The following TEF variants were observed in gnomAD, a reference collection of about 807,000 sequenced individuals.
TEF encodes TEF transcription factor, PAR bZIP family member, also known as thyrotroph embryonic factor.
TEF carries 3 observed loss-of-function variants against 20.8 expected under a neutral mutation model. The ratio of observed to expected loss-of-function variants is 0.14; its 90% CI spans 0.07 to 0.37. The LOEUF is 0.37. Ranked by LOEUF, TEF falls within the 10% of genes least tolerant of loss-of-function variation. TEF has a pLI of 1.00. For missense variants in TEF, 296 were observed against 397.9 expected (o/e 0.74, Z 2.18); for synonymous variants, 180 against 171.1 (o/e 1.05, Z -0.41).
At chr22:41,369,295 C>T in intron 1 of TEF, 1 of 969,360 alleles carries the variant, frequency 1.0e-6, no homozygotes, top group Non-Finnish European at 1.2e-6. Context: ...CAGGGCCTGG[C>T]ACATAGGGGA....
intron 1 of TEF, 119 bp downstream of exon 1, chr22:41,382,320 T>C: frequency 2.5e-6 from 2 of 790,760 alleles, no homozygotes; most frequent in Non-Finnish European, 3.2e-6. Flanking sequence ...CGGAGGGGGA[T>C]GGGGCCTGGA....
intron 1 of TEF, among the ~76,000 whole-genome samples, chr22:41,372,272 C>T (rs1353434545): frequency 6.6e-6 from 1 of 152,088 alleles, no homozygotes; most frequent in East Asian, 1.9e-4. Flanking sequence ...TGCCCCCCAC[C>T]CCATCCCTTC....
intron 1 of TEF, among the ~76,000 whole-genome samples, chr22:41,370,773 G>A (rs771255627): frequency 6.3e-4 from 96 of 152,136 alleles, no homozygotes; most frequent in Non-Finnish European, 2.2e-4. Context: ...CCTCTCCCTC[G>A]TGCTGCCCCT....
upstream of TEF, among the ~76,000 whole-genome samples, chr22:41,381,473 G>A (rs1338248770): frequency 6.6e-6 from 1 of 152,178 alleles, no homozygotes; most frequent in Non-Finnish European, 1.5e-5. Context: ...CGCCGCGCGA[G>A]CAGGAGCTCG....
chr22:41,370,382 G>T (rs984448137), intron 1 of TEF, among the ~76,000 whole-genome samples: 5 of 150,182 alleles, frequency 3.3e-5, no homozygotes, highest in African/African-American at 1.2e-4. Context: ...CGAAGTGCTG[G>T]GATTACAGGT....
rs2037238483 is a variant in TEF, at chr22:41,397,061, G to C, written c.*1101G>C. The C allele has an allele frequency of 5.0e-6, 2 of 398,744 alleles. No homozygotes were observed. The highest frequency in any genetic ancestry group is 4.1e-5 in the African/African-American group (2 of 48,618). 24.7% of individuals were successfully genotyped at this position (398,744 alleles called of 1,614,324 possible). ...GGGCAGCTGGGGCCTCGCAATTCTT[G>C]CTTCAGGATCTCTCCCATGCGAGCT... On this transcript the variant is annotated 3_prime_UTR_variant, in exon 4 of 4. Coordinates refer to ENST00000266304, the MANE Select transcript of TEF (RefSeq NM_003216.4).
At position 41,382,084 on chromosome 22, in the gene TEF, C is replaced by A. The variant is rs745925857; in HGVS notation, c.40C>A (p.Pro14Thr). Residue 14 changes from proline (P) to threonine (T), a missense_variant, in exon 1 of 4, where the codon CCG (proline) becomes ACG (threonine). By Grantham distance (38) the Pro-to-Thr change is conservative. Coordinates refer to ENST00000266304, the MANE Select transcript of TEF (RefSeq NM_003216.4). ...CGGCGGAAAGAAGCCGCCTGTGGAC[C>A]CGCAGGCAGGACCCGGTCCGGGGCC... ...AGGGKKPPVD[P>T]QAGPGPGPGR... 3 of 1,231,714 alleles carry A rather than the reference C, an allele frequency of 2.4e-6. No homozygotes were observed. The highest frequency in any genetic ancestry group is 3.0e-6 in the Non-Finnish European group (3 of 987,710). The allele number at this position is 1,231,714 out of a possible 1,614,324, so 76.3% of individuals were successfully genotyped here.
rs747543160 is a variant in TEF, at chr22:41,382,121, C to G, written c.77C>G (p.Ala26Gly). The G allele has an allele frequency of 8.1e-7, 1 of 1,234,598 alleles. No individual in the cohort carries two copies. The highest frequency in any genetic ancestry group is 1.6e-5 in the African/African-American group (1 of 64,498). 76.5% of individuals were successfully genotyped at this position (1,234,598 alleles called of 1,614,324 possible). A position where few individuals can be genotyped will look rare whatever the true frequency, so the allele number is the denominator to read the frequency against. The change falls in exon 1 of 4, where the codon GCT becomes GGT. Residue 26 changes from alanine to glycine, a missense_variant. This residue lies in a region of TEF where 102 missense variants were observed against 80.1 expected (regional missense o/e 1.27). Transcript: ENST00000266304. Reference sequence around the variant, plus strand: ...CCCGGTCCGGGGCCGGGGCGCGCAGCTGGGGAAAGGGGCCTGTCGGGGTCC... The same window carrying G: ...CCCGGTCCGGGGCCGGGGCGCGCAGGTGGGGAAAGGGGCCTGTCGGGGTCC... ...AGPGPGPGRA[A>G]GERGLSGSFP...
chr22:41,369,338 C>T, intron 1 of TEF: 2 of 818,972 alleles, frequency 2.4e-6, no homozygotes, highest in South Asian at 5.5e-5. Context: ...CTTTGCCGAG[C>T]ACTGGCAAGC....
intron 1 of TEF, chr22:41,367,688 T>C (rs960903623): frequency 5.9e-6 from 8 of 1,347,440 alleles, no homozygotes; most frequent in African/African-American, 1.5e-5. Flanking sequence ...AGGACAGGCA[T>C]CTCCAAGCCA....
At chr22:41,370,447 C>G (rs537128648) in intron 1 of TEF, among the ~76,000 whole-genome samples, 1 of 125,418 alleles carries the variant, frequency 8.0e-6, no homozygotes, top group East Asian at 2.4e-4. Context: ...GTGTCTCACT[C>G]TGTTGCCCAG....
At position 41,398,549 on chromosome 22, in the gene TEF, T is replaced by C. The variant is rs373958647; in HGVS notation, c.*2589T>C. On this transcript the variant is annotated 3_prime_UTR_variant, in exon 4 of 4. Transcript: ENST00000266304. ...AGCTGGAACTTTGCAAGAATATTCA[T>C]ATTATAAATGTCTCATCTGATGGAG... is the stretch of plus-strand genomic sequence containing the variant. The C allele has an allele frequency of 6.5e-6, 1 of 153,674 alleles. No individual in the cohort carries two copies. The highest frequency in any genetic ancestry group is 2.1e-4 in the South Asian group (1 of 4,826). 9.5% of individuals were successfully genotyped at this position (153,674 alleles called of 1,614,324 possible). A position where few individuals can be genotyped will look rare whatever the true frequency, so the allele number is the denominator to read the frequency against.
intron 1 of TEF, among the ~76,000 whole-genome samples, chr22:41,372,997 G>A (rs1475585836): frequency 1.3e-5 from 2 of 152,174 alleles, no homozygotes; most frequent in African/African-American, 4.8e-5. Flanking sequence ...TGAGGCTGGA[G>A]AGACCCGAAG....
At chr22:41,389,524 C>T (rs557253860) in intron 2 of TEF, among the ~76,000 whole-genome samples, 1 of 152,100 alleles carries the variant, frequency 6.6e-6, no homozygotes, top group Admixed American at 6.6e-5. Flanking sequence ...GAGGCTGAGG[C>T]AGGAAAATCG....
intron 2 of TEF, among the ~76,000 whole-genome samples, chr22:41,388,976 A>C (rs180717621): frequency 1.3e-5 from 2 of 152,292 alleles, no homozygotes; most frequent in Admixed American, 1.3e-4. Context: ...TTTCAATCAA[A>C]TTATAAGTAT....
chr22:41,382,630 A>G (rs1000934006), intron 1 of TEF, among the ~76,000 whole-genome samples: 2 of 151,972 alleles, frequency 1.3e-5, no homozygotes, highest in Non-Finnish European at 2.9e-5. Flanking sequence ...CAAGTACACC[A>G]AAGTTTAGGA....
rs913554893 is a variant in TEF, at chr22:41,387,612, C to T, written c.419C>T (p.Ser140Phe). The T allele has an allele frequency of 1.9e-6, 3 of 1,614,208 alleles. No individual in the cohort carries two copies. Among genetic ancestry groups the T allele is most frequent in the Non-Finnish European group, 2.5e-6 (3 of 1,180,032 alleles). The change falls in exon 2 of 4, where the codon TCC becomes TTC. Residue 140 changes from serine (S) to phenylalanine (F), a missense_variant. Physicochemically the swap from Ser to Phe is radical, Grantham distance 155. Around this residue, in one of 2 missense-constraint regions of TEF, gnomAD observed 194 missense variants for 317.8 expected, o/e 0.61. Transcript: ENST00000266304. ...GKESASSSTA[S>F]PPSSSTAIFQ... ...GAGTCTGCCAGCTCTTCCACAGCAT[C>T]CCCACCATCCTCCTCCACTGCCATC... is the stretch of plus-strand genomic sequence containing the variant.
chr22:41,398,168 CA>C lies in TEF; in HGVS notation c.*2209del, dbSNP rs1435947746. The C allele has an allele frequency of 6.6e-6, 1 of 152,418 alleles. No individual in the cohort carries two copies. Among genetic ancestry groups the C allele is most frequent in the East Asian group, 1.9e-4 (1 of 5,180 alleles). 9.4% of individuals were successfully genotyped at this position (152,418 alleles called of 1,614,324 possible). ...GTGGGGACAAGATGGAGGATGTCCACAGAGGCTGACCTGTGGGGGAAAAGAA... is the reference window on the plus strand; with the variant it reads ...GTGGGGACAAGATGGAGGATGTCCACGAGGCTGACCTGTGGGGGAAAAGAA... On this transcript the variant is annotated 3_prime_UTR_variant, in exon 4 of 4. Coordinates refer to ENST00000266304, the MANE Select transcript of TEF (RefSeq NM_003216.4).
chr22:41,395,905 T>C lies in TEF; in HGVS notation c.857T>C (p.Val286Ala), dbSNP rs766320165. The change falls in exon 4 of 4, where the codon GTG becomes GCG. Residue 286 changes from valine (V) to alanine (A), a missense_variant. Around this residue, in one of 2 missense-constraint regions of TEF, gnomAD observed 194 missense variants for 317.8 expected, o/e 0.61. Coordinates refer to ENST00000266304, the MANE Select transcript of TEF (RefSeq NM_003216.4). ...RTEVAELRKE[V>A]GKCKTIVSKY... is the part of the protein sequence containing the mutation. Reference sequence around the variant, plus strand: ...GAGGTGGCCGAGCTACGCAAGGAGGTGGGCAAGTGCAAGACCATCGTGTCC... The same window carrying C: ...GAGGTGGCCGAGCTACGCAAGGAGGCGGGCAAGTGCAAGACCATCGTGTCC... 6.2e-7 allele frequency: 1 copy of C among 1,613,964 alleles called. No individual in the cohort carries two copies. Among genetic ancestry groups the C allele is most frequent in the Admixed American group, 1.7e-5 (1 of 60,002 alleles).
Sources: gnomAD v4.1 joint callset for allele counts (sites outside exome capture counted in the v4.1 genomes callset) on GRCh38, gnomAD v4.1.1 for gene constraint, gnomAD v4.1.1 regional missense constraint, MANE v1.5 for transcripts, NCBI Gene and HGNC (gene_info 2026-07-23, HGNC 2026-07-21) for gene names.